ULK4: variants seen among roughly 807,000 people sequenced by gnomAD.
The protein encoded by ULK4 is inactive serine/threonine-protein kinase ULK4.
ULK4 carries 133 observed loss-of-function variants against 160.6 expected under a neutral mutation model. The ratio of observed to expected loss-of-function variants is 0.83; its 90% CI spans 0.72 to 0.96. The LOEUF is 0.96. Ranked by LOEUF, ULK4 falls within the 40% of genes least tolerant of loss-of-function variation. The probability of loss-of-function intolerance (pLI) is 0.00; values close to 1 mark genes in which losing one functional copy is unlikely to be tolerated. For synonymous variants in ULK4, 534 were observed against 539.8 expected (o/e 0.99, Z 0.15); for missense variants, 1,580 against 1,499.5 (o/e 1.05, Z -0.89).
chr3:41,865,552 G>C (rs2042597229), intron 17 of ULK4, among the ~76,000 whole-genome samples: 1 of 152,000 alleles, frequency 6.6e-6, no homozygotes, highest in South Asian at 2.1e-4. Context: ...CTTAACCGTT[G>C]CTCCTTCTCA....
intron 31 of ULK4, among the ~76,000 whole-genome samples, chr3:41,575,207 A>G (rs6796853): frequency 0.33 from 50,958 of 152,122 alleles, 8,847 homozygotes; most frequent in African/African-American, 0.4. Flanking sequence ...AATTAATTCA[A>G]TCATTTACCT....
chr3:41,576,928 C>A (rs2088209712), intron 31 of ULK4, among the ~76,000 whole-genome samples: 2 of 152,098 alleles, frequency 1.3e-5, no homozygotes, highest in Admixed American at 1.3e-4. Flanking sequence ...AAGTGTCCCA[C>A]ACGAAAGAAA....
chr3:41,261,447 T>G (rs935228806), intron 35 of ULK4, among the ~76,000 whole-genome samples: 7 of 152,114 alleles, frequency 4.6e-5, no homozygotes, highest in Non-Finnish European at 8.8e-5. Context: ...AACTTCAAGA[T>G]CCACACTCAT....
At chr3:41,296,453 C>T (rs1043667947) in intron 35 of ULK4, among the ~76,000 whole-genome samples, 1 of 152,142 alleles carries the variant, frequency 6.6e-6, no homozygotes, top group African/African-American at 2.4e-5. Context: ...CACAGGCCCA[C>T]CAGAACTGAG....
intron 20 of ULK4, 80 bp from the exon 21 acceptor site, chr3:41,789,923 T>C (rs1236124799): frequency 1.1e-5 from 14 of 1,300,208 alleles, no homozygotes; most frequent in Non-Finnish European, 1.4e-5. Context: ...CATGCTTCTG[T>C]GTCAAGGAGT....
At chr3:41,549,222 TG>T (rs1330049072) in intron 32 of ULK4, among the ~76,000 whole-genome samples, 13 of 152,082 alleles carry the variant, frequency 8.5e-5, no homozygotes, top group Admixed American at 8.5e-4. Context: ...AAGGTATTTG[TG>T]AAAAAGAATT....
Position 41,332,452 on chromosome 3 carries a change from C to T in ULK4, c.3678+65627G>A, listed in dbSNP as rs114789006. On this transcript the variant is annotated intron_variant, in intron 35 of 36. Transcript: ENST00000301831. ...ATGATATTTTCAGCTTCCCACCTTCCCAATGGCAGTCTTGATGGGAAGCTA... is the reference window on the plus strand; with the variant it reads ...ATGATATTTTCAGCTTCCCACCTTCTCAATGGCAGTCTTGATGGGAAGCTA... 3.6e-3 allele frequency among the ~76,000 whole-genome samples: 544 copies of T among 152,264 alleles called. 5 individuals carry two copies. Among genetic ancestry groups the T allele is most frequent in the African/African-American group, 0.012 (516 of 41,556 alleles).
intron 35 of ULK4, among the ~76,000 whole-genome samples, chr3:41,358,788 G>A (rs544310199): frequency 5.3e-5 from 8 of 152,282 alleles, no homozygotes; most frequent in African/African-American, 1.7e-4. Flanking sequence ...GCCAGTCCAC[G>A]GCTTGCATGC....
chr3:41,846,957 G>A (rs1488149956), intron 17 of ULK4, among the ~76,000 whole-genome samples: 1 of 152,136 alleles, frequency 6.6e-6, no homozygotes, highest in Non-Finnish European at 1.5e-5. Flanking sequence ...ATGCTTTGAG[G>A]CATATCTATA....
chr3:41,513,742 C>A (rs954817429), intron 32 of ULK4, among the ~76,000 whole-genome samples: 2 of 152,152 alleles, frequency 1.3e-5, no homozygotes, highest in African/African-American at 2.4e-5. Flanking sequence ...TATGTTCTCA[C>A]TCATAATTGA....
intron 5 of ULK4, among the ~76,000 whole-genome samples, chr3:41,923,777 G>C (rs1279339573): frequency 6.6e-6 from 1 of 152,234 alleles, no homozygotes; most frequent in East Asian, 1.9e-4. Flanking sequence ...CCTGTAGGTA[G>C]AGGATTCTAA....
intron 34 of ULK4, among the ~76,000 whole-genome samples, chr3:41,454,940 A>T (rs1189130770): frequency 2.6e-5 from 4 of 151,950 alleles, no homozygotes; most frequent in Non-Finnish European, 4.4e-5. Flanking sequence ...CAAATGATCC[A>T]CTCACCTTGG....
At chr3:41,523,233 G>A (rs1369065956) in intron 32 of ULK4, among the ~76,000 whole-genome samples, 1 of 152,058 alleles carries the variant, frequency 6.6e-6, no homozygotes, top group Non-Finnish European at 1.5e-5. Context: ...ATTCATTTTG[G>A]TGGCCCTAAA....
rs1204769068 is a variant in ULK4, at chr3:41,678,223, CACAG to C, written c.2978+3281_2978+3284del. ...ACACACACACACACACACACACACA[CACAG>C]AGCTCCTACTGGCTCTGTTTCTCTG... On this transcript the variant is annotated intron_variant, in intron 29 of 36. Transcript: ENST00000301831. Among the ~76,000 whole-genome samples, 260 of 149,426 alleles carry C rather than the reference CACAG, an allele frequency of 1.7e-3. 1 individual carries two copies. Among genetic ancestry groups the C allele is most frequent in the African/African-American group, 6.0e-3 (240 of 40,334 alleles).
intron 32 of ULK4, among the ~76,000 whole-genome samples, chr3:41,561,458 C>T (rs1294323294): frequency 6.6e-6 from 1 of 152,116 alleles, no homozygotes; most frequent in Non-Finnish European, 1.5e-5. Context: ...CCTCTTTGTA[C>T]CTCTGGTAGA....
chr3:41,423,830 G>A (rs558294608), intron 34 of ULK4, among the ~76,000 whole-genome samples: 63 of 152,312 alleles, frequency 4.1e-4, no homozygotes, highest in African/African-American at 1.4e-3. Flanking sequence ...ATGCTACCCT[G>A]CCCGGGAAAC....
intron 27 of ULK4, among the ~76,000 whole-genome samples, chr3:41,687,107 GT>G (rs933841420): frequency 4.1e-4 from 63 of 152,100 alleles, no homozygotes; most frequent in African/African-American, 1.4e-3. Context: ...GGGCGTAGTG[GT>G]TCATGCCTGT....
chr3:41,932,040 A>G, intron 4 of ULK4, 34 bp from the exon 5 acceptor site: 4 of 1,596,508 alleles, frequency 2.5e-6, no homozygotes, highest in Non-Finnish European at 3.4e-6. Flanking sequence ...TCAGAAAAAA[A>G]ATCAACTTAA....
chr3:41,644,834 T>C (rs2034405075), intron 30 of ULK4, among the ~76,000 whole-genome samples: 1 of 152,178 alleles, frequency 6.6e-6, no homozygotes, highest in Non-Finnish European at 1.5e-5. Flanking sequence ...GGACTCTTTT[T>C]GGTTGGTAAG....
Sources: allele counts gnomAD v4.1 joint callset (sites outside exome capture counted in the v4.1 genomes callset), GRCh38; gene constraint gnomAD v4.1.1; transcripts MANE v1.5; gene names NCBI Gene and HGNC (gene_info 2026-07-23, HGNC 2026-07-21).